TNNI3K: variants seen among roughly 807,000 people sequenced by gnomAD.
TNNI3K encodes the protein serine/threonine-protein kinase TNNI3K.
Under a neutral mutation model 114.5 loss-of-function variants are expected in TNNI3K, and 140 were observed. That is an observed-to-expected ratio of 1.22 (90% CI 1.07 to 1.41). The LOEUF is 1.41. Ranked by LOEUF, TNNI3K falls within the 40% of genes most tolerant of loss-of-function variation. TNNI3K has a pLI of 0.00. For synonymous variants in TNNI3K, 347 were observed against 347.5 expected (o/e 1.00, Z 0.02); for missense variants, 1,125 against 1,007.6 (o/e 1.12, Z -1.58).
chr1:74,392,781 G>T (rs998874184), intron 17 of TNNI3K, among the ~76,000 whole-genome samples: 2 of 152,128 alleles, frequency 1.3e-5, no homozygotes, highest in African/African-American at 4.8e-5. Flanking sequence ...TATCATTTTT[G>T]AAACGAATGA....
chr1:74,523,805 G>T (rs952060048), intron 23 of TNNI3K, among the ~76,000 whole-genome samples: 1 of 152,114 alleles, frequency 6.6e-6, no homozygotes, highest in Non-Finnish European at 1.5e-5. Flanking sequence ...CTTAAGTTCT[G>T]GGATACATGT....
chr1:74,356,958 G>A (rs888679475), intron 11 of TNNI3K, among the ~76,000 whole-genome samples: 4 of 152,128 alleles, frequency 2.6e-5, no homozygotes, highest in Non-Finnish European at 5.9e-5. Context: ...AAATGTTCTA[G>A]GGCAAAGCAA....
At chr1:74,358,067 A>G (rs1661756366) in intron 11 of TNNI3K, among the ~76,000 whole-genome samples, 1 of 152,304 alleles carries the variant, frequency 6.6e-6, no homozygotes, top group South Asian at 2.1e-4. Context: ...ATAGCTCAAT[A>G]GTGTGTCTGG....
intron 17 of TNNI3K, among the ~76,000 whole-genome samples, chr1:74,404,752 A>G (rs945176454): frequency 6.6e-6 from 1 of 152,126 alleles, no homozygotes; most frequent in African/African-American, 2.4e-5. Context: ...CTCTTTATGA[A>G]TCTCCTATAA....
chr1:74,443,138 CAGA>C (rs1666453459), intron 20 of TNNI3K, among the ~76,000 whole-genome samples: 1 of 151,854 alleles, frequency 6.6e-6, no homozygotes, highest in South Asian at 2.1e-4. Context: ...CCAAAGCTAG[CAGA>C]AGAAAAGAAA....
chr1:74,412,717 C>A (rs1664942574), intron 17 of TNNI3K, among the ~76,000 whole-genome samples: 1 of 152,162 alleles, frequency 6.6e-6, no homozygotes, highest in Non-Finnish European at 1.5e-5. Flanking sequence ...AGGGTTCCAG[C>A]AATTCTCGTC....
chr1:74,331,900 T>C (rs1570474998), intron 6 of TNNI3K, among the ~76,000 whole-genome samples: 1 of 152,144 alleles, frequency 6.6e-6, no homozygotes, highest in East Asian at 1.9e-4. Context: ...GGGAAAGATA[T>C]TAATTATAAC....
chr1:74,510,938 A>G lies in TNNI3K; in HGVS notation c.2351+18672A>G, dbSNP rs138893067. Among the ~76,000 whole-genome samples the G allele has an allele frequency of 8.3e-3, 1,268 of 152,314 alleles. 23 individuals carry two copies. Among genetic ancestry groups the G allele is most frequent in the African/African-American group, 0.029 (1,226 of 41,570 alleles). On this transcript the variant is annotated intron_variant, in intron 23 of 24. Transcript: ENST00000326637. Reference sequence around the variant, plus strand: ...GTCTCACTCTTGTCCCCCAGGCTGGAGTACAATGGTGCGATCTTGGCTCAC... The same window carrying G: ...GTCTCACTCTTGTCCCCCAGGCTGGGGTACAATGGTGCGATCTTGGCTCAC...
intron 5 of TNNI3K, among the ~76,000 whole-genome samples, chr1:74,293,017 T>C (rs1657775578): frequency 6.6e-6 from 1 of 151,674 alleles, no homozygotes; most frequent in African/African-American, 2.4e-5. Context: ...TATGTGACTT[T>C]ATTGCTTAGA....
At chr1:74,524,933 G>C (rs1307175994) in intron 23 of TNNI3K, among the ~76,000 whole-genome samples, 1 of 152,120 alleles carries the variant, frequency 6.6e-6, no homozygotes, top group Non-Finnish European at 1.5e-5. Context: ...GAGGTACTTT[G>C]GGGCTGGAAA....
chr1:74,283,638 G>A (rs1333029), intron 5 of TNNI3K, among the ~76,000 whole-genome samples: 17,096 of 152,100 alleles, frequency 0.11, 1,313 homozygotes, highest in African/African-American at 0.22. Flanking sequence ...TAGATTCAAC[G>A]ATTATTGCTA....
In TNNI3K at chr1:74,294,311, A is replaced by G. The variant is rs1412553013; in HGVS notation, c.444+22603A>G. Among the ~76,000 whole-genome samples, 34 of 151,982 alleles carry G rather than the reference A, an allele frequency of 2.2e-4. 1 individual carries two copies. Among genetic ancestry groups the G allele is most frequent in the Admixed American group, 2.2e-3 (34 of 15,260 alleles). Reference sequence around the variant, plus strand: ...TGTGAAGATTTATGTTATTTCCTCCATAAATATTTAATAACATTATCTAGT... The same window carrying G: ...TGTGAAGATTTATGTTATTTCCTCCGTAAATATTTAATAACATTATCTAGT... On this transcript the variant is annotated intron_variant, in intron 5 of 24. Coordinates refer to ENST00000326637, the MANE Select transcript of TNNI3K (RefSeq NM_015978.3).
At chr1:74,488,169 T>C (rs1668863923) in intron 21 of TNNI3K, among the ~76,000 whole-genome samples, 1 of 152,160 alleles carries the variant, frequency 6.6e-6, no homozygotes, top group South Asian at 2.1e-4. Flanking sequence ...TCTGGTGGTA[T>C]AGCCTGACAA....
intron 5 of TNNI3K, among the ~76,000 whole-genome samples, chr1:74,320,981 G>T (rs3765661): frequency 4.0e-4 from 61 of 152,152 alleles, no homozygotes; most frequent in African/African-American, 1.3e-3. Context: ...GAGGAGGAAT[G>T]TGAGAAGGAG....
At chr1:74,277,437 C>T (rs146187051) in intron 5 of TNNI3K, among the ~76,000 whole-genome samples, 302 of 152,166 alleles carry the variant, frequency 2.0e-3, no homozygotes, top group African/African-American at 6.5e-3. Context: ...AAAAAAGAAA[C>T]GGAATATGTT....
intron 2 of TNNI3K, among the ~76,000 whole-genome samples, chr1:74,242,373 C>G (rs979347095): frequency 6.6e-5 from 10 of 152,026 alleles, no homozygotes; most frequent in African/African-American, 1.9e-4. Context: ...CTTTTTGTAC[C>G]TTTTCTCTCT....
At chr1:74,497,695 T>C (rs1669401351) in intron 23 of TNNI3K, among the ~76,000 whole-genome samples, 1 of 152,100 alleles carries the variant, frequency 6.6e-6, no homozygotes, top group Non-Finnish European at 1.5e-5. Context: ...TTGCAACATC[T>C]TTAACTTCTC....
chr1:74,291,934 A>C (rs1275341961), intron 5 of TNNI3K, among the ~76,000 whole-genome samples: 1 of 151,360 alleles, frequency 6.6e-6, no homozygotes, highest in Non-Finnish European at 1.5e-5. Flanking sequence ...TACAATACTA[A>C]TTCTGTCATA....
chr1:74,536,686 G>A (rs10749833), intron 23 of TNNI3K, among the ~76,000 whole-genome samples: 142,851 of 152,212 alleles, frequency 0.94, 67,155 homozygotes, highest in Middle Eastern at 0.97. Flanking sequence ...CCATATAGGA[G>A]CTAATAATTC....
Sources: gnomAD v4.1 joint callset for allele counts (sites outside exome capture counted in the v4.1 genomes callset) on GRCh38, gnomAD v4.1.1 for gene constraint, MANE v1.5 for transcripts, NCBI Gene and HGNC (gene_info 2026-07-23, HGNC 2026-07-21) for gene names.